Variants in CCSER1 observed in about 807,000 individuals in gnomAD.
CCSER1 encodes the protein serine-rich coiled-coil domain-containing protein 1.
In CCSER1, 41 loss-of-function variants were observed where a neutral mutation model predicts 82.0. The ratio of observed to expected loss-of-function variants is 0.50; its 90% CI spans 0.39 to 0.65. The LOEUF is 0.65. CCSER1 is among the 30% of genes least tolerant of loss of function. CCSER1 has a pLI of 0.00. For synonymous variants in CCSER1, 414 were observed against 383.9 expected, an observed-to-expected ratio of 1.08 and a Z score of -0.92; for missense variants, 1,119 against 1,064.2, an observed-to-expected ratio of 1.05 and a Z score of -0.72.
chr4:91,258,689 C>T (rs909744086), intron 10 of CCSER1, among the ~76,000 whole-genome samples: 1 of 152,036 alleles, frequency 6.6e-6, no homozygotes, highest in African/African-American at 2.4e-5. Context: ...CAGATTTATT[C>T]ATTTCCTGCT....
At chr4:91,032,113 G>A (rs1156465033) in intron 9 of CCSER1, among the ~76,000 whole-genome samples, 2 of 151,998 alleles carry the variant, frequency 1.3e-5, no homozygotes, top group African/African-American at 4.8e-5. Context: ...AAACAAAAAT[G>A]TGCTTTTTTG....
At chr4:90,663,140 A>G (rs1731124669) in intron 6 of CCSER1, among the ~76,000 whole-genome samples, 1 of 152,230 alleles carries the variant, frequency 6.6e-6, no homozygotes, top group East Asian at 1.9e-4. Context: ...TGATAGTAAA[A>G]TAATGGTTTA....
intron 10 of CCSER1, among the ~76,000 whole-genome samples, chr4:91,470,763 C>G (rs1050747743): frequency 4.6e-5 from 7 of 152,066 alleles, no homozygotes; most frequent in African/African-American, 1.7e-4. Context: ...GCCAGTAAAT[C>G]CTTGATTTTT....
intron 10 of CCSER1, among the ~76,000 whole-genome samples, chr4:91,358,496 T>C (rs1749021305): frequency 6.7e-6 from 1 of 149,828 alleles, no homozygotes; most frequent in Admixed American, 6.7e-5. Context: ...CTACCGTTTA[T>C]ACCAAACCAA....
intron 5 of CCSER1, among the ~76,000 whole-genome samples, chr4:90,532,073 TAGTA>T (rs1048219906): frequency 5.9e-5 from 9 of 152,162 alleles, no homozygotes; most frequent in Non-Finnish European, 1.0e-4. Flanking sequence ...TTATAATTAA[TAGTA>T]AGTAATAGTG....
rs149185018 is a variant in CCSER1, at chr4:90,258,761, A to G, written c.-41-49483A>G. 3.4e-4 allele frequency among the ~76,000 whole-genome samples: 51 copies of G among 152,046 alleles called. 2 individuals are homozygous for G. In the East Asian group the frequency reaches 9.9e-3, roughly 29 times the overall value. On this transcript the variant is annotated intron_variant, in intron 1 of 10. Coordinates refer to ENST00000509176, the MANE Select transcript of CCSER1 (RefSeq NM_001145065.2). ...CAGGTGTTTTTTGGCTACATGGATG[A>G]GTTCTTTAGTGGTGAATTATGAGAT... is the stretch of plus-strand genomic sequence containing the variant.
At chr4:91,056,063 T>A (rs576972173) in intron 9 of CCSER1, among the ~76,000 whole-genome samples, 3 of 152,268 alleles carry the variant, frequency 2.0e-5, no homozygotes, top group African/African-American at 7.2e-5. Flanking sequence ...TATCTCCTTA[T>A]TGATATTTCC....
chr4:90,696,442 A>T (rs907176483), intron 6 of CCSER1, among the ~76,000 whole-genome samples: 3 of 152,106 alleles, frequency 2.0e-5, no homozygotes, highest in Non-Finnish European at 1.5e-5. Context: ...AAGTCCTGTT[A>T]AGCAGAATTA....
intron 8 of CCSER1, among the ~76,000 whole-genome samples, chr4:90,897,901 C>T (rs7686734): frequency 0.037 from 5,672 of 152,060 alleles, 361 homozygotes; most frequent in African/African-American, 0.13. Context: ...TTGTTGGCAA[C>T]TTGTATGTTT....
At chr4:90,709,944 C>CTT (rs1304690313) in intron 6 of CCSER1, among the ~76,000 whole-genome samples, 7 of 93,550 alleles carry the variant, frequency 7.5e-5, no homozygotes, top group African/African-American at 2.5e-4. Flanking sequence ...TTGCCAGCAT[C>CTT]TGTTTTTTTT....
intron 10 of CCSER1, among the ~76,000 whole-genome samples, chr4:91,225,175 T>TAC (rs1738048941): frequency 4.7e-5 from 1 of 21,346 alleles, no homozygotes; most frequent in African/African-American, 2.8e-4. Context: ...TGTGTGTGTG[T>TAC]ATATATGTAT....
chr4:90,390,172 T>G (rs1025281127), intron 3 of CCSER1, among the ~76,000 whole-genome samples: 1 of 152,236 alleles, frequency 6.6e-6, no homozygotes, highest in Non-Finnish European at 1.5e-5. Flanking sequence ...AGAGATAATG[T>G]AGGCATTTGA....
intron 10 of CCSER1, among the ~76,000 whole-genome samples, chr4:91,344,224 T>G (rs72879078): frequency 0.087 from 13,187 of 152,192 alleles, 1,919 homozygotes; most frequent in African/African-American, 0.3. Flanking sequence ...ACACATAGAA[T>G]GCACCATCTC....
intron 10 of CCSER1, among the ~76,000 whole-genome samples, chr4:91,355,709 G>A (rs1232330907): frequency 7.2e-5 from 11 of 152,102 alleles, no homozygotes; most frequent in Non-Finnish European, 7.3e-5. Flanking sequence ...GTCAGCTTCC[G>A]GGTGTGACTG....
chr4:90,237,955 ACAGT>A (rs563275053), intron 1 of CCSER1, among the ~76,000 whole-genome samples: 64 of 152,260 alleles, frequency 4.2e-4, no homozygotes, highest in African/African-American at 1.4e-3. Flanking sequence ...TTAATATTCA[ACAGT>A]TTTCTTAATC....
rs139509168 is a variant in CCSER1, at chr4:90,289,517, A to G, written c.-41-18727A>G. 3.4e-3 allele frequency among the ~76,000 whole-genome samples: 524 copies of G among 152,048 alleles called. 3 individuals are homozygous for G. Among genetic ancestry groups the G allele is most frequent in the African/African-American group, 0.012 (499 of 41,534 alleles). On this transcript the variant is annotated intron_variant, in intron 1 of 10. Transcript: ENST00000509176. ...TTCACATGGAATATAAGAGACCACTATCTTTCCTCATTTCCAGAGTATCTG... is the reference window on the plus strand; with the variant it reads ...TTCACATGGAATATAAGAGACCACTGTCTTTCCTCATTTCCAGAGTATCTG...
At chr4:90,534,154 C>G (rs775542520) in intron 5 of CCSER1, among the ~76,000 whole-genome samples, 2 of 152,164 alleles carry the variant, frequency 1.3e-5, no homozygotes, top group Non-Finnish European at 2.9e-5. Flanking sequence ...TTTTGAGACA[C>G]AGTCTCGCTC....
At chr4:90,435,315 A>G (rs1210352230) in intron 4 of CCSER1, among the ~76,000 whole-genome samples, 1 of 152,138 alleles carries the variant, frequency 6.6e-6, no homozygotes, top group Non-Finnish European at 1.5e-5. Context: ...AATATTTCAT[A>G]TTGATATTGG....
chr4:90,406,179 GCA>G (rs1437561911), intron 4 of CCSER1, among the ~76,000 whole-genome samples: 1 of 152,130 alleles, frequency 6.6e-6, no homozygotes, highest in African/African-American at 2.4e-5. Context: ...GATATTCCAT[GCA>G]AATGGACAAC....
Sources: allele counts gnomAD v4.1 joint callset (sites outside exome capture counted in the v4.1 genomes callset), GRCh38; gene constraint gnomAD v4.1.1; transcripts MANE v1.5; gene names NCBI Gene and HGNC (gene_info 2026-07-23, HGNC 2026-07-21).